CCR3: variants seen among roughly 807,000 people sequenced by gnomAD.
CCR3 encodes the protein C-C motif chemokine receptor 3, also known as C-C chemokine receptor type 3.
For synonymous variants in CCR3, 203 were observed against 179.2 expected (o/e 1.13, Z -1.06); for missense variants, 419 against 437.5 (o/e 0.96, Z 0.38).
At chr3:46,232,479 G>C (rs142862034) in intron 2 of CCR3, among the ~76,000 whole-genome samples, 1 of 152,340 alleles carries the variant, frequency 6.6e-6, no homozygotes, top group African/African-American at 2.4e-5. Flanking sequence ...GCATAGCCAC[G>C]TGGGGGTCCT....
intron 2 of CCR3, among the ~76,000 whole-genome samples, chr3:46,225,295 A>G (rs539430127): frequency 6.6e-6 from 1 of 152,342 alleles, no homozygotes; most frequent in South Asian, 2.1e-4. Context: ...GGGTATGTGC[A>G]CATGCAAAAA....
chr3:46,234,097 C>T (rs547933583), intron 2 of CCR3, among the ~76,000 whole-genome samples: 2 of 152,318 alleles, frequency 1.3e-5, no homozygotes, highest in South Asian at 2.1e-4. Flanking sequence ...TCAGAGTGCT[C>T]CTGAGGCATC....
At chr3:46,218,271 G>A (rs993119094) in intron 2 of CCR3, among the ~76,000 whole-genome samples, 2 of 151,490 alleles carry the variant, frequency 1.3e-5, no homozygotes, top group Non-Finnish European at 2.9e-5. Context: ...AAACCAGGAA[G>A]AAATAGAAAC....
At chr3:46,256,121 ACT>A (rs1491306208) in intron 1 of CCR3, among the ~76,000 whole-genome samples, 1 of 151,852 alleles carries the variant, frequency 6.6e-6, no homozygotes, top group Non-Finnish European at 1.5e-5. Context: ...AGTATTTTGA[ACT>A]TTTTTTGTGA....
intron 1 of CCR3, among the ~76,000 whole-genome samples, chr3:46,262,778 C>G (rs1046520391): frequency 6.6e-6 from 1 of 152,152 alleles, no homozygotes; most frequent in Non-Finnish European, 1.5e-5. Context: ...CCTCAGCCCC[C>G]CAAGTAGTTG....
chr3:46,227,058 T>G, intron 2 of CCR3, among the ~76,000 whole-genome samples: 1 of 151,840 alleles, frequency 6.6e-6, no homozygotes, highest in East Asian at 1.9e-4. Flanking sequence ...TTTCGTATTT[T>G]TAGTAGAGAC....
upstream of CCR3, among the ~76,000 whole-genome samples, chr3:46,241,228 TTTTC>T (rs1700080485): frequency 6.6e-6 from 1 of 152,128 alleles, no homozygotes; most frequent in African/African-American, 2.4e-5. Flanking sequence ...TGTTCCTATG[TTTTC>T]TTTATCATGA....
chr3:46,222,922 T>C (rs947602245), intron 2 of CCR3, among the ~76,000 whole-genome samples: 2 of 152,212 alleles, frequency 1.3e-5, no homozygotes, highest in Non-Finnish European at 2.9e-5. Context: ...GTTGAATGTC[T>C]CCTATGTGCA....
At chr3:46,235,621 A>G (rs1473782790) in intron 2 of CCR3, among the ~76,000 whole-genome samples, 1 of 152,152 alleles carries the variant, frequency 6.6e-6, no homozygotes, top group African/African-American at 2.4e-5. Flanking sequence ...GACATAAGTA[A>G]CTCCATCTTA....
intron 1 of CCR3, among the ~76,000 whole-genome samples, chr3:46,246,472 G>C (rs958166640): frequency 6.6e-6 from 1 of 152,066 alleles, no homozygotes; most frequent in Non-Finnish European, 1.5e-5. Context: ...GGGCAGGAGT[G>C]GGGGTCGCAA....
chr3:46,247,427 G>A (rs1700219056), intron 1 of CCR3, among the ~76,000 whole-genome samples: 1 of 152,174 alleles, frequency 6.6e-6, no homozygotes, highest in African/African-American at 2.4e-5. Flanking sequence ...TCTGACTTCT[G>A]AGAAGGGAAA....
upstream of CCR3, among the ~76,000 whole-genome samples, chr3:46,238,784 A>G (rs1485774426): frequency 6.6e-6 from 1 of 152,238 alleles, no homozygotes; most frequent in Non-Finnish European, 1.5e-5. Flanking sequence ...TCACTGATAC[A>G]TGGAATAACA....
chr3:46,223,595 A>C (rs1302047741), intron 2 of CCR3, among the ~76,000 whole-genome samples: 5 of 152,028 alleles, frequency 3.3e-5, no homozygotes, highest in Admixed American at 2.6e-4. Context: ...GTGTGCATGC[A>C]TGTTGTGTAC....
At chr3:46,242,179 C>G (rs1461628144), upstream of CCR3, among the ~76,000 whole-genome samples, 1 of 150,974 alleles carries the variant, frequency 6.6e-6, no homozygotes, top group Non-Finnish European at 1.5e-5. Flanking sequence ...TAAAAATGAG[C>G]AATGCCAATG....
In CCR3 at chr3:46,212,560, T is replaced by A. The variant is rs545657009; in HGVS notation, c.-68+1653T>A. Among the ~76,000 whole-genome samples the A allele has an allele frequency of 4.0e-5, 6 of 151,664 alleles. No individual in the cohort carries two copies. The South Asian group carries it at 1.3e-3, about 32-fold the overall frequency. Reference sequence around the variant, plus strand: ...CCTCCCCTCCTCACTGCATACTTCTTCTATCCAGGTGGTCATTTTTCCTCC... The same window carrying A: ...CCTCCCCTCCTCACTGCATACTTCTACTATCCAGGTGGTCATTTTTCCTCC... On this transcript the variant is annotated intron_variant, in intron 2 of 3. Coordinates refer to the CCR3 transcript ENST00000357422.
intron 2 of CCR3, among the ~76,000 whole-genome samples, chr3:46,220,842 A>G (rs1172309911): frequency 6.6e-6 from 1 of 152,132 alleles, no homozygotes; most frequent in Non-Finnish European, 1.5e-5. Context: ...TGGACTCTGG[A>G]GACTTAGACG....
chr3:46,212,781 G>T (rs1699731621), intron 2 of CCR3, among the ~76,000 whole-genome samples: 1 of 152,086 alleles, frequency 6.6e-6, no homozygotes, highest in South Asian at 2.1e-4. Flanking sequence ...GAGGGCATTG[G>T]GCACATCAGT....
At chr3:46,250,695 T>A (rs1480902680) in intron 1 of CCR3, among the ~76,000 whole-genome samples, 2 of 151,922 alleles carry the variant, frequency 1.3e-5, no homozygotes, top group Non-Finnish European at 2.9e-5. Flanking sequence ...GGTTTTAAGT[T>A]CTTGAGGACA....
At chr3:46,212,314 G>T (rs186624440) in intron 2 of CCR3, among the ~76,000 whole-genome samples, 24 of 152,260 alleles carry the variant, frequency 1.6e-4, no homozygotes, top group Admixed American at 1.4e-3. Flanking sequence ...CACACTGTCT[G>T]CATGACGAAA....
Sources: allele counts gnomAD v4.1 joint callset (sites outside exome capture counted in the v4.1 genomes callset), GRCh38; gene constraint gnomAD v4.1.1; transcripts MANE v1.5; gene names NCBI Gene and HGNC (gene_info 2026-07-23, HGNC 2026-07-21).